Variants in FSTL5 observed in about 807,000 individuals in gnomAD.
FSTL5 encodes follistatin like 5.
In FSTL5, 62 loss-of-function variants were observed where a neutral mutation model predicts 89.1. The ratio of observed to expected loss-of-function variants is 0.70; its 90% confidence interval spans 0.57 to 0.86. The LOEUF is 0.86. Among genes scored for constraint, FSTL5 ranks in the 40% least tolerant of loss-of-function variants. The probability of loss-of-function intolerance (pLI) is 0.00; values close to 1 mark genes in which losing one functional copy is unlikely to be tolerated. For missense variants in FSTL5, 1,057 were observed against 1,001.6 expected, an observed-to-expected ratio of 1.06 and a Z score of -0.75; for synonymous variants, 383 against 346.2, an observed-to-expected ratio of 1.11 and a Z score of -1.18.
chr4:161,393,913 C>T (rs1730911124), intron 15 of FSTL5, among the ~76,000 whole-genome samples: 1 of 152,104 alleles, frequency 6.6e-6, no homozygotes, highest in South Asian at 2.1e-4. Flanking sequence ...TCCAAACCAA[C>T]AAGAAACCAT....
intron 4 of FSTL5, among the ~76,000 whole-genome samples, chr4:161,846,068 G>T (rs959641855): frequency 6.6e-6 from 1 of 150,710 alleles, no homozygotes; most frequent in Non-Finnish European, 1.5e-5. Context: ...AAAAAATTGT[G>T]AATTGTGTGT....
At chr4:162,052,841 A>G (rs996539387) in intron 2 of FSTL5, among the ~76,000 whole-genome samples, 5 of 151,892 alleles carry the variant, frequency 3.3e-5, no homozygotes, top group African/African-American at 1.2e-4. Context: ...GTTTCTAACT[A>G]TAGTCATTGT....
chr4:161,777,243 G>GTGTA (rs1553965044), intron 4 of FSTL5, among the ~76,000 whole-genome samples: 34 of 145,028 alleles, frequency 2.3e-4, no homozygotes, highest in Admixed American at 9.8e-4. Context: ...ATTTCATTGT[G>GTGTA]TATATATATA....
intron 4 of FSTL5, among the ~76,000 whole-genome samples, chr4:161,876,433 T>C (rs1732445465): frequency 6.6e-6 from 1 of 152,210 alleles, no homozygotes; most frequent in South Asian, 2.1e-4. Context: ...CATACTTAAA[T>C]ATGTTGGGCC....
intron 2 of FSTL5, among the ~76,000 whole-genome samples, chr4:162,046,518 A>C (rs1738186361): frequency 6.6e-6 from 1 of 152,100 alleles, no homozygotes; most frequent in African/African-American, 2.4e-5. Context: ...TTGGACATGA[A>C]GATTATATAA....
At chr4:162,007,290 C>G (rs1187589182) in intron 3 of FSTL5, among the ~76,000 whole-genome samples, 1 of 151,706 alleles carries the variant, frequency 6.6e-6, no homozygotes, top group Non-Finnish European at 1.5e-5. Context: ...CAAAGGAGAT[C>G]AAAGTCCAGC....
At chr4:161,933,275 T>C (rs370922393) in intron 3 of FSTL5, among the ~76,000 whole-genome samples, 1 of 152,104 alleles carries the variant, frequency 6.6e-6, no homozygotes, top group African/African-American at 2.4e-5. Context: ...ACTAGATTGC[T>C]ATTTCATGGT....
At chr4:161,852,590 A>G (rs938621845) in intron 4 of FSTL5, among the ~76,000 whole-genome samples, 1 of 152,180 alleles carries the variant, frequency 6.6e-6, no homozygotes, top group Non-Finnish European at 1.5e-5. Context: ...ATATCATTTG[A>G]CATAGCAATC....
At chr4:162,153,717 T>C (rs1733338395) in intron 1 of FSTL5, among the ~76,000 whole-genome samples, 2 of 135,084 alleles carry the variant, frequency 1.5e-5, no homozygotes, top group Admixed American at 1.7e-4. Context: ...TATATGTATA[T>C]AATAATATAT....
At chr4:162,000,504 AG>A (rs1173508769) in intron 3 of FSTL5, among the ~76,000 whole-genome samples, 1 of 150,924 alleles carries the variant, frequency 6.6e-6, no homozygotes, top group East Asian at 2.0e-4. Flanking sequence ...AGGCTGAGGC[AG>A]GGGAATTGCC....
intron 4 of FSTL5, among the ~76,000 whole-genome samples, chr4:161,907,799 G>A (rs760027000): frequency 5.9e-5 from 9 of 152,010 alleles, no homozygotes; most frequent in Non-Finnish European, 1.2e-4. Context: ...TAGCGTGCAT[G>A]ACAAAAGGTG....
chr4:161,918,721 T>A (rs913277855), intron 4 of FSTL5, among the ~76,000 whole-genome samples: 1 of 152,036 alleles, frequency 6.6e-6, no homozygotes, highest in Non-Finnish European at 1.5e-5. Flanking sequence ...CTCGGCTCAC[T>A]GCAACCTCCG....
chr4:161,856,143 G>A (rs1294871312), intron 4 of FSTL5, among the ~76,000 whole-genome samples: 2 of 151,994 alleles, frequency 1.3e-5, no homozygotes, highest in Non-Finnish European at 2.9e-5. Context: ...TGAGGTTGAG[G>A]AAACAGTGAT....
rs1198800012 is a variant in FSTL5, at chr4:161,718,915, T to A, written c.727+40496A>T. ...TTTTATTCTAACTAACACAGATATT[T>A]ACTTGATAAACAAATTAAAATTCAC... On this transcript the variant is annotated intron_variant, in intron 6 of 15. Coordinates refer to ENST00000306100, the MANE Select transcript of FSTL5 (RefSeq NM_020116.5). Among the ~76,000 whole-genome samples the A allele has an allele frequency of 2.6e-5, 4 of 152,222 alleles. No individual in the cohort carries two copies. The East Asian group carries it at 5.8e-4, about 22-fold the overall frequency.
intron 15 of FSTL5, among the ~76,000 whole-genome samples, chr4:161,433,175 C>T (rs940418523): frequency 6.7e-6 from 1 of 149,994 alleles, no homozygotes; most frequent in Non-Finnish European, 1.5e-5. Flanking sequence ...TAAAAATCCT[C>T]AATGAAATAT....
At chr4:161,785,917 T>C (rs1168741432) in intron 4 of FSTL5, among the ~76,000 whole-genome samples, 1 of 152,268 alleles carries the variant, frequency 6.6e-6, no homozygotes, top group South Asian at 2.1e-4. Flanking sequence ...AGTCATGCTT[T>C]GTCTCATTTA....
At chr4:161,953,776 G>T (rs767239766) in intron 3 of FSTL5, among the ~76,000 whole-genome samples, 13 of 151,626 alleles carry the variant, frequency 8.6e-5, no homozygotes, top group Admixed American at 5.9e-4. Context: ...CTCAGACCCT[G>T]CAATTATCCC....
In FSTL5 at chr4:161,641,183, C is replaced by T. The variant is rs577541262; in HGVS notation, c.894+15145G>A. Among the ~76,000 whole-genome samples the T allele has an allele frequency of 3.9e-5, 6 of 152,240 alleles. No homozygotes were observed. In the South Asian group the frequency reaches 1.2e-3, roughly 32 times the overall value. ...TGCAGGGTGAAAAAAGGTTACTAGACAGTGACTGAAAGCTATATAAAGAAA... is the reference window on the plus strand; with the variant it reads ...TGCAGGGTGAAAAAAGGTTACTAGATAGTGACTGAAAGCTATATAAAGAAA... On this transcript the variant is annotated intron_variant, in intron 7 of 15. Coordinates refer to ENST00000306100, the MANE Select transcript of FSTL5 (RefSeq NM_020116.5).
intron 15 of FSTL5, among the ~76,000 whole-genome samples, chr4:161,420,858 A>G (rs1197830409): frequency 6.6e-6 from 1 of 150,404 alleles, no homozygotes; most frequent in African/African-American, 2.4e-5. Context: ...GCCATAACAT[A>G]TATATTATGT....
Sources: allele counts gnomAD v4.1 joint callset (sites outside exome capture counted in the v4.1 genomes callset), GRCh38; gene constraint gnomAD v4.1.1; transcripts MANE v1.5; gene names NCBI Gene and HGNC (gene_info 2026-07-23, HGNC 2026-07-21).